The following MPRIP variants were observed in gnomAD, a reference collection of about 807,000 sequenced individuals.
MPRIP encodes myosin phosphatase Rho interacting protein.
In MPRIP, 59 loss-of-function variants were observed where a neutral mutation model predicts 234.9. The observed-to-expected ratio is 0.25, with a 90% CI of 0.20 to 0.31. The LOEUF (loss-of-function observed/expected upper bound fraction) is 0.31, where lower values mean the gene tolerates loss of function less well. Ranked by LOEUF, MPRIP falls within the 10% of genes least tolerant of loss-of-function variation. MPRIP has a pLI of 1.00. For missense variants in MPRIP, 2,436 were observed against 3,071.0 expected (o/e 0.79, Z 4.89); for synonymous variants, 1,144 against 1,263.9 (o/e 0.91, Z 2.01).
Position 17,188,858 on chromosome 17 carries a change from C to T in MPRIP, c.*3964C>T, listed in dbSNP as rs1292939981. 5 of 152,218 alleles carry T rather than the reference C, an allele frequency of 3.3e-5. No homozygotes were observed. Among genetic ancestry groups the T allele is most frequent in the African/African-American group, 1.2e-4 (5 of 41,448 alleles). The allele number at this position is 152,218 out of a possible 1,614,324, so 9.4% of individuals were successfully genotyped here. A position where few individuals can be genotyped will look rare whatever the true frequency, so the allele number is the denominator to read the frequency against. ...GTGGGGTCCCTGTTGGCAGCCAGGT[C>T]CCTACACAAACAAGTAATCCTGTTT... On this transcript the variant is annotated 3_prime_UTR_variant, in exon 24 of 24. Transcript: ENST00000651222.
intron 1 of MPRIP, among the ~76,000 whole-genome samples, chr17:17,065,744 A>G (rs549663122): frequency 6.6e-6 from 1 of 152,196 alleles, no homozygotes; most frequent in African/African-American, 2.4e-5. Flanking sequence ...TAAACTGAAT[A>G]TCAGTTGGGT....
chr17:17,089,873 G>C (rs935741051), intron 3 of MPRIP, among the ~76,000 whole-genome samples: 1 of 152,346 alleles, frequency 6.6e-6, no homozygotes, highest in Admixed American at 6.5e-5. Flanking sequence ...AGTTGGGGGC[G>C]ATGGAGAAGT....
At chr17:17,096,291 GTGTGTGTGTGT>G (rs2089840828) in intron 3 of MPRIP, among the ~76,000 whole-genome samples, 10 of 1,688 alleles carry the variant, frequency 5.9e-3, no homozygotes, top group South Asian at 0.023. Context: ...TGTGCAGGGT[GTGTGTGTGTGT>G]GTGTGTGTGT....
rs1440077161 is a variant in MPRIP at position 17,138,227 on chromosome 17, AG to A, written c.1053del (p.Arg352GlyfsTer70). 1.5e-5 allele frequency: 10 copies of A among 673,400 alleles called. No individual in the cohort carries two copies. Among genetic ancestry groups the A allele is most frequent in the Non-Finnish European group, 1.9e-5 (8 of 419,218 alleles). The allele number at this position is 673,400 out of a possible 1,614,324, so 41.7% of individuals were successfully genotyped here. ...TGCCTACGTGGACTCTGGCAGCACTAGGGGGCGGGGGACAGAGAGACTGGGG... is the reference window on the plus strand; with the variant it reads ...TGCCTACGTGGACTCTGGCAGCACTAGGGGCGGGGGACAGAGAGACTGGGG... ...PPAYVDSGST[R>X]GRGTERLGSA... is the part of the protein sequence containing the mutation. On this transcript the variant is annotated frameshift_variant, in exon 7 of 24. Transcript: ENST00000651222. LOFTEE classifies it high-confidence loss of function. This position sits in a 1 kb window ranked among gnomAD's most constrained non-coding sequence, Gnocchi z 5.8.
chr17:17,094,405 C>A (rs984676785), intron 3 of MPRIP, among the ~76,000 whole-genome samples: 1 of 152,150 alleles, frequency 6.6e-6, no homozygotes, highest in Non-Finnish European at 1.5e-5. Context: ...ACTGAATTTT[C>A]CTTCCGAAAA....
Position 17,167,071 on chromosome 17 carries a change from G to A in MPRIP, c.5480G>A (p.Cys1827Tyr), listed in dbSNP as rs1302089086. ...TCCCAGAGTCTCTCGTATAACACTT[G>A]TTTGGGAGGCCTCGGTCAGTATTCT... ...QVSQSLSYNTCLGGLGQYSSL... is the reference protein window; with the variant it reads ...QVSQSLSYNTYLGGLGQYSSL... Residue 1827 changes from cysteine (C) to tyrosine (Y), a missense_variant, in exon 16 of 24, where the codon TGT (cysteine) becomes TAT (tyrosine). By Grantham distance (194) the Cys-to-Tyr change is radical. This residue lies in a region of MPRIP where 1,998 missense variants were observed against 2,520.3 expected (regional missense o/e 0.79). Coordinates refer to ENST00000651222, the MANE Select transcript of MPRIP (RefSeq NM_001364716.4). The surrounding 1 kb of genome is among the most constrained non-coding windows in gnomAD (Gnocchi z 5.9). 7.7e-7 allele frequency: 1 copy of A among 1,304,352 alleles called. No individual in the cohort carries two copies. 80.8% of individuals were successfully genotyped at this position (1,304,352 alleles called of 1,614,324 possible).
In MPRIP at chr17:17,165,875, G is replaced by C. The variant is rs1408808249; in HGVS notation, c.4284G>C (p.Gln1428His). Residue 1428 changes from glutamine (Q) to histidine (H), a missense_variant, in exon 16 of 24, where the codon CAG becomes CAC. Transcript: ENST00000651222. ...ACCAGTGGGCGGGCACCGAGGCCCAGCTGCGTGAGCAGCTCCGCGCCAGCC... is the reference window on the plus strand; with the variant it reads ...ACCAGTGGGCGGGCACCGAGGCCCACCTGCGTGAGCAGCTCCGCGCCAGCC... The part of the protein sequence containing the change: ...LHHQWAGTEA[Q>H]LREQLRASLL... 5.2e-5 allele frequency: 68 copies of C among 1,303,958 alleles called. No homozygotes were observed. Among genetic ancestry groups the C allele is most frequent in the Non-Finnish European group, 6.9e-5 (68 of 988,902 alleles). 80.8% of individuals were successfully genotyped at this position (1,303,958 alleles called of 1,614,324 possible). A position where few individuals can be genotyped will look rare whatever the true frequency, so the allele number is the denominator to read the frequency against.
chr17:17,153,151 C>G (rs182617246), intron 12 of MPRIP, among the ~76,000 whole-genome samples: 1 of 152,108 alleles, frequency 6.6e-6, no homozygotes, highest in Admixed American at 6.6e-5. Context: ...GAAGGAGGAC[C>G]GAGCTGGGCA....
chr17:17,158,794 G>T lies in MPRIP; in HGVS notation c.2192G>T (p.Arg731Leu), dbSNP rs760187689. 3.7e-6 allele frequency: 6 copies of T among 1,611,632 alleles called. No individual in the cohort carries two copies. Among genetic ancestry groups the T allele is most frequent in the South Asian group, 3.3e-5 (3 of 91,026 alleles). ...CCAGGCACTGAGGATGCAGCCCTGCGCATGGAGGTGGACCGGAGCCCAGGG... is the reference window on the plus strand; with the variant it reads ...CCAGGCACTGAGGATGCAGCCCTGCTCATGGAGGTGGACCGGAGCCCAGGG... ...DGPGTEDAAL[R>L]MEVDRSPGLP... Residue 731 changes from arginine (R) to leucine (L), a missense_variant, in exon 14 of 24, where the codon CGC (arginine) becomes CTC (leucine). Physicochemically the swap from Arg to Leu is moderately radical, Grantham distance 102. Coordinates refer to ENST00000651222, the MANE Select transcript of MPRIP (RefSeq NM_001364716.4).
At chr17:17,052,417 G>A (rs1354934719) in intron 1 of MPRIP, among the ~76,000 whole-genome samples, 1 of 152,134 alleles carries the variant, frequency 6.6e-6, no homozygotes, top group East Asian at 1.9e-4. Flanking sequence ...GTCTGCACCT[G>A]CCCTCCCTGC....
intron 9 of MPRIP, 119 bp downstream of exon 9, chr17:17,143,788 T>A (rs1436310159): frequency 1.9e-6 from 1 of 530,484 alleles, no homozygotes; most frequent in African/African-American, 2.0e-5. Context: ...CAGGCCCTCG[T>A]GTCCGTGAGC....
intron 9 of MPRIP, among the ~76,000 whole-genome samples, chr17:17,145,078 G>A (rs971856925): frequency 6.6e-6 from 1 of 152,212 alleles, no homozygotes; most frequent in Non-Finnish European, 1.5e-5. Context: ...TTGGCAGGAC[G>A]TTGGGGTTGA....
intron 3 of MPRIP, among the ~76,000 whole-genome samples, chr17:17,119,305 C>T (rs890787300): frequency 6.6e-6 from 1 of 152,262 alleles, no homozygotes; most frequent in African/African-American, 2.4e-5. Context: ...GGCCATAGCT[C>T]AGTGAAGTGC....
chr17:17,053,259 A>G (rs1292628797), intron 1 of MPRIP, among the ~76,000 whole-genome samples: 1 of 152,018 alleles, frequency 6.6e-6, no homozygotes, highest in Non-Finnish European at 1.5e-5. Context: ...TTCTAGCTCC[A>G]TTTTCCATGC....
chr17:17,102,064 T>A (rs1391063574), intron 3 of MPRIP, among the ~76,000 whole-genome samples: 1 of 152,068 alleles, frequency 6.6e-6, no homozygotes, highest in East Asian at 1.9e-4. Flanking sequence ...TTTTATTTTT[T>A]AAAAATAGAG....
intron 7 of MPRIP, 70 bp from the exon 8 acceptor site, chr17:17,142,557 A>C: frequency 6.4e-7 from 1 of 1,563,010 alleles, no homozygotes; most frequent in Non-Finnish European, 8.7e-7. Context: ...CGGGCATGGG[A>C]GGAGTCGGCT....
At chr17:17,065,122 G>T (rs1193350116) in intron 1 of MPRIP, among the ~76,000 whole-genome samples, 3 of 151,958 alleles carry the variant, frequency 2.0e-5, no homozygotes, top group Admixed American at 1.3e-4. Context: ...ATTCTAATTG[G>T]ATTGTTTTGT....
chr17:17,128,680 C>T (rs1190710045), intron 4 of MPRIP, among the ~76,000 whole-genome samples: 6 of 152,138 alleles, frequency 3.9e-5, no homozygotes, highest in Non-Finnish European at 8.8e-5. Flanking sequence ...CACGTTAGTT[C>T]GTGTCCAACA....
At chr17:17,110,738 A>T (rs1224124920) in intron 3 of MPRIP, among the ~76,000 whole-genome samples, 1 of 152,238 alleles carries the variant, frequency 6.6e-6, no homozygotes, top group Non-Finnish European at 1.5e-5. Context: ...TCGTGAGAAC[A>T]ACGTCAGACA....
Sources: allele counts gnomAD v4.1 joint callset (sites outside exome capture counted in the v4.1 genomes callset), GRCh38; gene constraint gnomAD v4.1.1; regional missense constraint gnomAD v4.1.1; non-coding constraint Gnocchi (gnomAD v3.1); transcripts MANE v1.5; gene names NCBI Gene and HGNC (gene_info 2026-07-23, HGNC 2026-07-21).